Variants in FGF2 observed in about 807,000 individuals in gnomAD.
FGF2 encodes the protein basic fibroblast growth factor bFGF.
Under a neutral mutation model 15.9 loss-of-function variants are expected in FGF2, and 13 were observed. The observed-to-expected ratio is 0.82, with a 90% confidence interval of 0.53 to 1.30. The LOEUF (loss-of-function observed/expected upper bound fraction) is 1.30. FGF2 is among the 50% of genes most tolerant of loss of function. The probability of loss-of-function intolerance (pLI) is 0.00; values close to 1 mark genes in which losing one functional copy is unlikely to be tolerated. For missense variants in FGF2, 163 were observed against 196.9 expected (o/e 0.83, Z 1.03); for synonymous variants, 90 against 78.4 (o/e 1.15, Z -0.78).
intron 1 of FGF2, among the ~76,000 whole-genome samples, chr4:122,874,130 A>G (rs1295540792): frequency 6.6e-6 from 1 of 152,240 alleles, no homozygotes; most frequent in African/African-American, 2.4e-5. Flanking sequence ...CCTCATGGGC[A>G]TTTGTACATC....
chr4:122,845,244 A>T (rs1707936686), intron 1 of FGF2, among the ~76,000 whole-genome samples: 1 of 152,190 alleles, frequency 6.6e-6, no homozygotes, highest in Admixed American at 6.5e-5. Context: ...ATGTAAACAG[A>T]TGTGCTGTCA....
At chr4:122,850,811 G>A (rs181599450) in intron 1 of FGF2, among the ~76,000 whole-genome samples, 30 of 152,236 alleles carry the variant, frequency 2.0e-4, no homozygotes, top group Admixed American at 1.4e-3. Context: ...ACAGGGGAAG[G>A]AAACACATTC....
At chr4:122,867,282 A>G (rs1490534754) in intron 1 of FGF2, among the ~76,000 whole-genome samples, 2 of 152,258 alleles carry the variant, frequency 1.3e-5, no homozygotes, top group Admixed American at 1.3e-4. Context: ...AGTGAATTGC[A>G]TGGCATGTGA....
chr4:122,897,105 A>G lies in FGF2; in HGVS notation c.*4709A>G. On this transcript the variant is annotated 3_prime_UTR_variant, in exon 3 of 3. Transcript: ENST00000644866. ...AGACTTTCTTATATGACATTTTACT[A>G]TGTTTTGACTACCTGACTATTAAAA... is the stretch of plus-strand genomic sequence containing the variant. 1 of 152,482 alleles carries G rather than the reference A, an allele frequency of 6.6e-6. No homozygotes were observed. The highest frequency in any genetic ancestry group is 1.5e-5 in the Non-Finnish European group (1 of 68,176). 9.4% of individuals were successfully genotyped at this position (152,482 alleles called of 1,614,324 possible). A position where few individuals can be genotyped will look rare whatever the true frequency, so the allele number is the denominator to read the frequency against.
At chr4:122,847,037 A>G (rs1726127282) in intron 1 of FGF2, among the ~76,000 whole-genome samples, 1 of 152,174 alleles carries the variant, frequency 6.6e-6, no homozygotes, top group South Asian at 2.1e-4. Flanking sequence ...CCCTTGGCTT[A>G]TTTCTTTTCA....
At chr4:122,832,839 C>A (rs1725791328) in intron 1 of FGF2, among the ~76,000 whole-genome samples, 1 of 152,198 alleles carries the variant, frequency 6.6e-6, no homozygotes, top group Non-Finnish European at 1.5e-5. Flanking sequence ...CCTGCTTTCT[C>A]TTTTCTCCCT....
intron 1 of FGF2, among the ~76,000 whole-genome samples, chr4:122,843,898 A>G (rs1726047719): frequency 1.3e-5 from 2 of 152,194 alleles, no homozygotes; most frequent in African/African-American, 4.8e-5. Context: ...TTCTGCTAGT[A>G]TAGGATCTTG....
intron 2 of FGF2, among the ~76,000 whole-genome samples, chr4:122,879,496 T>C (rs1024314473): frequency 1.3e-5 from 2 of 152,176 alleles, no homozygotes; most frequent in Non-Finnish European, 2.9e-5. Context: ...CTCCAGCCTT[T>C]TATATGTCTG....
intron 1 of FGF2, among the ~76,000 whole-genome samples, chr4:122,829,656 C>T (rs1223218919): frequency 2.0e-5 from 3 of 152,102 alleles, no homozygotes; most frequent in Non-Finnish European, 4.4e-5. Context: ...ACCCATCACC[C>T]AAGCAGTATA....
intron 2 of FGF2, among the ~76,000 whole-genome samples, chr4:122,881,165 A>G (rs1726953882): frequency 6.6e-6 from 1 of 152,044 alleles, no homozygotes; most frequent in Admixed American, 6.6e-5. Context: ...AGCTCATGAA[A>G]CCATTTTTTC....
At chr4:122,837,660 G>A (rs1725893486) in intron 1 of FGF2, among the ~76,000 whole-genome samples, 1 of 152,050 alleles carries the variant, frequency 6.6e-6, no homozygotes, top group Admixed American at 6.6e-5. Flanking sequence ...GTGTGTTTGT[G>A]TGTTGGGGAG....
chr4:122,830,293 G>T (rs974879530), intron 1 of FGF2, among the ~76,000 whole-genome samples: 2 of 152,182 alleles, frequency 1.3e-5, no homozygotes, highest in African/African-American at 4.8e-5. Context: ...TCCTGGAGAG[G>T]TGCAGGGGAA....
chr4:122,876,209 C>T, intron 1 of FGF2, 112 bp from the exon 2 acceptor site: 1 of 739,344 alleles, frequency 1.4e-6, no homozygotes, highest in Non-Finnish European at 2.4e-6. Flanking sequence ...ACCAATCCTC[C>T]AAAGTGGATT....
chr4:122,854,592 C>T (rs1726299921), intron 1 of FGF2, among the ~76,000 whole-genome samples: 1 of 152,208 alleles, frequency 6.6e-6, no homozygotes, highest in Admixed American at 6.5e-5. Flanking sequence ...TGTTTTCTTA[C>T]TGAAGACTTT....
chr4:122,880,748 C>G (rs1167109837), intron 2 of FGF2, among the ~76,000 whole-genome samples: 4 of 152,176 alleles, frequency 2.6e-5, no homozygotes, highest in Non-Finnish European at 5.9e-5. Flanking sequence ...GGTGCAAGCT[C>G]TCAGTAGATC....
chr4:122,845,865 T>G (rs184498022), intron 1 of FGF2, among the ~76,000 whole-genome samples: 1 of 152,352 alleles, frequency 6.6e-6, no homozygotes, highest in East Asian at 1.9e-4. Flanking sequence ...AGTAGAACTT[T>G]TCATTTTCTT....
chr4:122,861,665 C>T (rs1465993869), intron 1 of FGF2, among the ~76,000 whole-genome samples: 1 of 152,126 alleles, frequency 6.6e-6, no homozygotes, highest in Non-Finnish European at 1.5e-5. Context: ...CTCATTCTTT[C>T]ATGCTATTAC....
chr4:122,887,437 C>A (rs1279506002), intron 2 of FGF2, among the ~76,000 whole-genome samples: 1 of 152,174 alleles, frequency 6.6e-6, no homozygotes, highest in Non-Finnish European at 1.5e-5. Context: ...TGTGTGTAAC[C>A]TGCCACCCCC....
At chr4:122,871,102 G>A (rs925190920) in intron 1 of FGF2, among the ~76,000 whole-genome samples, 3 of 152,118 alleles carry the variant, frequency 2.0e-5, no homozygotes, top group African/African-American at 7.2e-5. Context: ...TTCAGGAGCA[G>A]GTTGTTCAAT....
Sources: gnomAD v4.1 joint callset for allele counts (sites outside exome capture counted in the v4.1 genomes callset) on GRCh38, gnomAD v4.1.1 for gene constraint, MANE v1.5 for transcripts, NCBI Gene and HGNC (gene_info 2026-07-23, HGNC 2026-07-21) for gene names.